Variants in MALRD1 observed in about 807,000 individuals in gnomAD.
The protein encoded by MALRD1 is MAM and LDL receptor class A domain containing 1.
In MALRD1, 247 loss-of-function variants were observed where a neutral mutation model predicts 242.1. The ratio of observed to expected loss-of-function variants is 1.02; its 90% confidence interval spans 0.92 to 1.13. The LOEUF (loss-of-function observed/expected upper bound fraction) is 1.13, where lower values mean the gene tolerates loss of function less well. MALRD1 is among the 50% of genes most tolerant of loss of function. The pLI, the probability that MALRD1 is intolerant of heterozygous loss-of-function variation, is 0.00. For synonymous variants in MALRD1, 995 were observed against 866.6 expected (o/e 1.15, Z -2.60); for missense variants, 2,989 against 2,533.1 (o/e 1.18, Z -3.86).
At chr10:19,401,719 G>A (rs982017872) in intron 28 of MALRD1, among the ~76,000 whole-genome samples, 6 of 151,604 alleles carry the variant, frequency 4.0e-5, no homozygotes, top group African/African-American at 9.7e-5. Flanking sequence ...CAAGATCACA[G>A]AGAATAAAGC....
chr10:19,127,709 C>T (rs1157600467), intron 7 of MALRD1, among the ~76,000 whole-genome samples: 8 of 151,864 alleles, frequency 5.3e-5, no homozygotes, highest in Non-Finnish European at 1.0e-4. Flanking sequence ...CCATAGGTGA[C>T]GTTTAAAAGG....
intron 28 of MALRD1, among the ~76,000 whole-genome samples, chr10:19,441,624 C>G (rs1190507214): frequency 3.9e-5 from 6 of 152,138 alleles, no homozygotes; most frequent in Non-Finnish European, 2.9e-5. Context: ...TCAGGTTTGT[C>G]AAAGATCAGA....
In MALRD1 at chr10:19,128,284, A is replaced by G. The variant is rs1837344718; in HGVS notation, c.1007A>G (p.Tyr336Cys). 8 of 1,233,284 alleles carry G rather than the reference A, an allele frequency of 6.5e-6. No individual in the cohort carries two copies. The highest frequency in any genetic ancestry group is 4.1e-5 in the South Asian group (1 of 24,420). The allele number at this position is 1,233,284 out of a possible 1,614,324, so 76.4% of individuals were successfully genotyped here. A position where few individuals can be genotyped will look rare whatever the true frequency, so the allele number is the denominator to read the frequency against. Residue 336 changes from tyrosine (Y) to cysteine (C), a missense_variant, in exon 8 of 40, where the codon TAC (tyrosine) becomes TGC (cysteine). Transcript: ENST00000454679. ...FTLNHLDSRAYLNSSVCHCLG... is the reference protein window; with the variant it reads ...FTLNHLDSRACLNSSVCHCLG... ...CTTAACCATTTAGACAGCAGGGCTTACCTAAATAGCTCTGTGTGTCATTGC... is the reference window on the plus strand; with the variant it reads ...CTTAACCATTTAGACAGCAGGGCTTGCCTAAATAGCTCTGTGTGTCATTGC...
intron 19 of MALRD1, among the ~76,000 whole-genome samples, chr10:19,279,610 G>A (rs1840706696): frequency 6.6e-6 from 1 of 152,192 alleles, no homozygotes; most frequent in Non-Finnish European, 1.5e-5. Context: ...TTTTAAATAA[G>A]TGAAAATATG....
intron 21 of MALRD1, among the ~76,000 whole-genome samples, chr10:19,298,665 A>T (rs1179405445): frequency 1.3e-5 from 2 of 151,936 alleles, no homozygotes; most frequent in Non-Finnish European, 2.9e-5. Flanking sequence ...ACTAGAAAAG[A>T]GACACAAGAA....
intron 37 of MALRD1, 44 bp from the exon 38 acceptor site, chr10:19,692,414 T>C (rs1179583222): frequency 6.5e-7 from 1 of 1,531,356 alleles, no homozygotes; most frequent in East Asian, 2.4e-5. Context: ...GTCTCTAATA[T>C]ATTTCACTGC....
chr10:19,390,908 A>G (rs1846310859), intron 28 of MALRD1, among the ~76,000 whole-genome samples: 1 of 152,198 alleles, frequency 6.6e-6, no homozygotes. Flanking sequence ...TTAAAGATGG[A>G]AACTTACAAA....
chr10:19,458,302 A>T lies in MALRD1; in HGVS notation c.5029+7812A>T, dbSNP rs1835766384. Among the ~76,000 whole-genome samples the T allele has an allele frequency of 2.6e-5, 4 of 152,162 alleles. No individual in the cohort carries two copies. In the South Asian group the frequency reaches 8.3e-4, roughly 31 times the overall value. On this transcript the variant is annotated intron_variant, in intron 29 of 39. Transcript: ENST00000454679. ...CAAAAAGTGTCAAAGTCATGTTTAAAAATAGCTTGTTATAATTAGTTTATC... is the reference window on the plus strand; with the variant it reads ...CAAAAAGTGTCAAAGTCATGTTTAATAATAGCTTGTTATAATTAGTTTATC...
intron 18 of MALRD1, among the ~76,000 whole-genome samples, chr10:19,235,576 C>CGAGAGAGAGAG (rs1564488759): frequency 3.7e-4 from 21 of 57,320 alleles, no homozygotes; most frequent in Admixed American, 1.3e-3. Flanking sequence ...CACCCACACC[C>CGAGAGAGAGAG]ACAGAGAGAG....
At chr10:19,407,632 T>C (rs768061773) in intron 28 of MALRD1, among the ~76,000 whole-genome samples, 2 of 152,164 alleles carry the variant, frequency 1.3e-5, no homozygotes, top group Non-Finnish European at 2.9e-5. Flanking sequence ...ACCACTATAG[T>C]GATCAGGATA....
chr10:19,721,697 A>G (rs574140383), intron 38 of MALRD1: 24 of 152,358 alleles, frequency 1.6e-4, no homozygotes, highest in African/African-American at 5.3e-4. Flanking sequence ...TAAAATAGCA[A>G]ATTAGTACCA....
chr10:19,205,355 A>G, intron 17 of MALRD1, 90 bp downstream of exon 17: 3 of 1,395,656 alleles, frequency 2.1e-6, no homozygotes, highest in Non-Finnish European at 2.8e-6. Context: ...TCAAACCGAT[A>G]ACAGTAAGCA....
At chr10:19,591,670 G>C (rs1331285513) in intron 33 of MALRD1, among the ~76,000 whole-genome samples, 1 of 151,946 alleles carries the variant, frequency 6.6e-6, no homozygotes, top group African/African-American at 2.4e-5. Flanking sequence ...GCTAATTTTT[G>C]TATTTTTAGA....
intron 19 of MALRD1, among the ~76,000 whole-genome samples, chr10:19,265,805 G>C (rs1030819200): frequency 1.3e-5 from 2 of 151,904 alleles, no homozygotes; most frequent in Non-Finnish European, 2.9e-5. Context: ...ATCCATTGTT[G>C]GAAGTGGGAT....
intron 32 of MALRD1, among the ~76,000 whole-genome samples, chr10:19,556,995 G>A (rs563549479): frequency 7.9e-5 from 12 of 152,052 alleles, no homozygotes; most frequent in Non-Finnish European, 1.5e-4. Context: ...TTTAAAAGAT[G>A]TTTAGTGTCA....
intron 29 of MALRD1, among the ~76,000 whole-genome samples, chr10:19,462,872 T>C (rs1186048539): frequency 1.3e-5 from 2 of 152,152 alleles, no homozygotes; most frequent in African/African-American, 4.8e-5. Flanking sequence ...CTGGTTATTA[T>C]AGCTTTCATC....
intron 12 of MALRD1, among the ~76,000 whole-genome samples, chr10:19,165,267 T>TATATATATATATATATATATATATA (rs1564435240): frequency 1.9e-5 from 1 of 53,758 alleles, no homozygotes; most frequent in Non-Finnish European, 3.4e-5. Flanking sequence ...ATATATATAT[T>TATATATATATATATATATATATATA]TTGTTTTGTT....
chr10:19,589,975 G>A (rs1241699075), intron 33 of MALRD1, among the ~76,000 whole-genome samples: 5 of 152,054 alleles, frequency 3.3e-5, no homozygotes, highest in African/African-American at 1.2e-4. Context: ...TGTCAGGACC[G>A]ACCTTATAAC....
chr10:19,564,527 T>C (rs1277605057), intron 32 of MALRD1, among the ~76,000 whole-genome samples: 1 of 152,062 alleles, frequency 6.6e-6, no homozygotes, highest in Non-Finnish European at 1.5e-5. Flanking sequence ...CTAAAATTAT[T>C]ACTTTACATT....
Sources: allele counts gnomAD v4.1 joint callset (sites outside exome capture counted in the v4.1 genomes callset), GRCh38; gene constraint gnomAD v4.1.1; transcripts MANE v1.5; gene names NCBI Gene and HGNC (gene_info 2026-07-23, HGNC 2026-07-21).